The following SEMA3A variants were observed in gnomAD, a reference collection of about 807,000 sequenced individuals.
SEMA3A encodes semaphorin-3A.
Under a neutral mutation model 97.9 loss-of-function variants are expected in SEMA3A, and 29 were observed. The ratio of observed to expected loss-of-function variants is 0.30; its 90% confidence interval spans 0.22 to 0.40. SEMA3A has a LOEUF of 0.40. Ranked by LOEUF, SEMA3A falls within the 10% of genes least tolerant of loss-of-function variation. The pLI is 1.00. For synonymous variants in SEMA3A, 321 were observed against 323.7 expected, an observed-to-expected ratio of 0.99 and a Z score of 0.09; for missense variants, 763 against 951.3, an observed-to-expected ratio of 0.80 and a Z score of 2.60.
intron 2 of SEMA3A, among the ~76,000 whole-genome samples, chr7:84,325,117 C>CTA (rs376513345): frequency 6.7e-6 from 1 of 149,052 alleles, no homozygotes; most frequent in Non-Finnish European, 1.5e-5. Context: ...ATGTATATAT[C>CTA]TCTATCTATC....
chr7:84,173,482 C>A (rs1323370633), intron 1 of SEMA3A, among the ~76,000 whole-genome samples: 1 of 149,292 alleles, frequency 6.7e-6, no homozygotes, highest in African/African-American at 2.5e-5. Context: ...TCGGTTGAAC[C>A]CGGGAGGCGG....
At chr7:84,171,022 G>A (rs1341146279) in intron 1 of SEMA3A, among the ~76,000 whole-genome samples, 2 of 152,074 alleles carry the variant, frequency 1.3e-5, no homozygotes, top group Non-Finnish European at 2.9e-5. Context: ...GAGTTCTATC[G>A]ATTTTTGGCA....
intron 3 of SEMA3A, among the ~76,000 whole-genome samples, chr7:84,254,120 C>G (rs915022437): frequency 1.2e-4 from 18 of 152,142 alleles, no homozygotes; most frequent in African/African-American, 4.3e-4. Context: ...AAAGAGAGAA[C>G]TGGAAAGAAG....
chr7:84,203,939 A>AT (rs140157517), intron 3 of SEMA3A, among the ~76,000 whole-genome samples: 8,349 of 152,208 alleles, frequency 0.055, 308 homozygotes, highest in Middle Eastern at 0.065. Flanking sequence ...AAATAACTAC[A>AT]TTATAGTTCA....
chr7:84,471,151 C>A (rs561830333), intron 1 of SEMA3A, among the ~76,000 whole-genome samples: 60 of 152,086 alleles, frequency 3.9e-4, no homozygotes, highest in African/African-American at 1.4e-3. Context: ...AAGTCATTTC[C>A]CCCCATCTTC....
At chr7:83,999,103 G>A (rs1244720945) in intron 12 of SEMA3A, among the ~76,000 whole-genome samples, 12 of 152,156 alleles carry the variant, frequency 7.9e-5, no homozygotes, top group Admixed American at 7.9e-4. Flanking sequence ...TATTGAAAAT[G>A]TTAGGCAATA....
At chr7:84,264,681 T>G (rs1799946442) in intron 3 of SEMA3A, among the ~76,000 whole-genome samples, 1 of 151,974 alleles carries the variant, frequency 6.6e-6, no homozygotes, top group African/African-American at 2.4e-5. Context: ...CAAAATCCAG[T>G]TTGTAATTTG....
Position 84,231,511 on chromosome 7 carries a change from C to T in SEMA3A, c.-82-36843G>A, listed in dbSNP as rs548912950. Among the ~76,000 whole-genome samples, 12 of 152,022 alleles carry T rather than the reference C, an allele frequency of 7.9e-5. No homozygotes were observed. In the South Asian group the frequency reaches 1.4e-3, roughly 18 times the overall value. The stretch of plus-strand genomic sequence containing the variant: ...GAAAGTATAAACAAGGTGGTAACAG[C>T]ATTCTACAACTAAAATAAAATGAGA... On this transcript the variant is annotated intron_variant, in intron 3 of 3. Coordinates refer to the SEMA3A transcript ENST00000424555.
intron 3 of SEMA3A, among the ~76,000 whole-genome samples, chr7:84,252,889 AT>A (rs1332657903): frequency 6.6e-6 from 1 of 151,526 alleles, no homozygotes; most frequent in Non-Finnish European, 1.5e-5. Flanking sequence ...ATTTTATTTT[AT>A]TTTTTTGAGA....
chr7:84,242,049 A>G (rs1030349613), intron 3 of SEMA3A, among the ~76,000 whole-genome samples: 4 of 152,166 alleles, frequency 2.6e-5, no homozygotes, highest in Non-Finnish European at 5.9e-5. Context: ...TATAGTTTCA[A>G]GTCAGGTAGC....
intron 1 of SEMA3A, among the ~76,000 whole-genome samples, chr7:84,177,825 C>T (rs1797616904): frequency 6.6e-6 from 1 of 152,036 alleles, no homozygotes; most frequent in Non-Finnish European, 1.5e-5. Context: ...TTACTTCCAC[C>T]CCTTTAAATG....
rs376691490 is a variant in SEMA3A, at chr7:84,441,406, G to GA, written c.-246+51053dup. 6.1e-3 allele frequency among the ~76,000 whole-genome samples: 916 copies of GA among 150,672 alleles called. 13 individuals carry two copies. The highest frequency in any genetic ancestry group is 0.021 in the African/African-American group (850 of 41,186). ...AGCTTCAAAATATAATAACAGAAAT[G>GA]AAAAAAAATACTAGAGAGATTAAAA... On this transcript the variant is annotated intron_variant, in intron 1 of 3. Coordinates refer to the SEMA3A transcript ENST00000424555.
chr7:84,065,197 A>C (rs1276580004), intron 4 of SEMA3A, among the ~76,000 whole-genome samples: 3 of 138,316 alleles, frequency 2.2e-5, no homozygotes, highest in East Asian at 2.1e-4. Context: ...TGAAGGCAGA[A>C]ATAAAGATGT....
chr7:84,038,582 C>T (rs898168104), intron 6 of SEMA3A, among the ~76,000 whole-genome samples: 1 of 151,724 alleles, frequency 6.6e-6, no homozygotes, highest in Non-Finnish European at 1.5e-5. Context: ...TTACAGTTGC[C>T]GAAGTCAGAC....
At chr7:84,020,916 A>G (rs576860361) in intron 6 of SEMA3A, among the ~76,000 whole-genome samples, 1 of 152,328 alleles carries the variant, frequency 6.6e-6, no homozygotes, top group South Asian at 2.1e-4. Flanking sequence ...ATTTTCCAGA[A>G]CAGATTTCAG....
intron 2 of SEMA3A, among the ~76,000 whole-genome samples, chr7:84,318,017 T>C (rs1008092851): frequency 6.6e-6 from 1 of 152,138 alleles, no homozygotes; most frequent in Non-Finnish European, 1.5e-5. Context: ...TTTTAGGTCA[T>C]ATCCAGGCCT....
At chr7:83,979,935 A>G (rs1033235412) in intron 14 of SEMA3A, among the ~76,000 whole-genome samples, 3 of 152,194 alleles carry the variant, frequency 2.0e-5, no homozygotes, top group East Asian at 3.9e-4. Flanking sequence ...CTCATTAGCT[A>G]TGAAAATCTA....
chr7:84,106,577 A>G (rs727651), intron 4 of SEMA3A, among the ~76,000 whole-genome samples: 65,056 of 152,042 alleles, frequency 0.43, 15,009 homozygotes, highest in Admixed American at 0.53. Context: ...GTCTATTTTC[A>G]TAACTAGAAG....
chr7:84,420,908 C>T (rs2116278419), intron 1 of SEMA3A, among the ~76,000 whole-genome samples: 1 of 152,016 alleles, frequency 6.6e-6, no homozygotes, highest in Non-Finnish European at 1.5e-5. Flanking sequence ...GGCTATCCAT[C>T]TATCTATTTT....
Sources: allele counts gnomAD v4.1 joint callset (sites outside exome capture counted in the v4.1 genomes callset), GRCh38; gene constraint gnomAD v4.1.1; transcripts MANE v1.5; gene names NCBI Gene and HGNC (gene_info 2026-07-23, HGNC 2026-07-21).